MYO3B: variants seen among roughly 807,000 people sequenced by gnomAD.
MYO3B encodes the protein myosin IIIB.
A neutral mutation model predicts 174.6 loss-of-function variants in MYO3B; 156 were observed. The ratio of observed to expected loss-of-function variants is 0.89; its 90% CI spans 0.78 to 1.02. MYO3B has a LOEUF of 1.02. MYO3B is among the 50% of genes least tolerant of loss of function. The pLI, the probability that MYO3B is intolerant of heterozygous loss-of-function variation, is 0.00. For missense variants in MYO3B, 1,632 were observed against 1,639.4 expected (o/e 1.00, Z 0.08); for synonymous variants, 563 against 569.1 (o/e 0.99, Z 0.15).
intron 8 of MYO3B, chr2:170,350,335 C>CT (rs1453498294): frequency 6.6e-6 from 1 of 152,124 alleles, no homozygotes; most frequent in Non-Finnish European, 1.5e-5. Context: ...GCTGTGGATT[C>CT]TTTTTTGATT....
At chr2:170,231,587 C>A (rs2093016942) in intron 6 of MYO3B, among the ~76,000 whole-genome samples, 1 of 152,198 alleles carries the variant, frequency 6.6e-6, no homozygotes, top group Non-Finnish European at 1.5e-5. Flanking sequence ...AGGTAGGAAC[C>A]TGGACATGCT....
chr2:170,646,765 C>T (rs1698417277), intron 32 of MYO3B: 2 of 384,132 alleles, frequency 5.2e-6, no homozygotes, highest in South Asian at 2.5e-5. Context: ...TCTCTGGGGC[C>T]CCTCCCACAT....
At position 170,285,101 on chromosome 2, in the gene MYO3B, AT is replaced by A. The variant is rs1181092641; in HGVS notation, c.749+48967del. Among the ~76,000 whole-genome samples, 21 of 152,296 alleles carry A rather than the reference AT, an allele frequency of 1.4e-4. 1 individual carries two copies. The highest frequency in any genetic ancestry group is 4.3e-4 in the African/African-American group (18 of 41,582). On this transcript the variant is annotated intron_variant, in intron 7 of 34. Transcript: ENST00000408978. ...TATTGGACTATATCATACTTTATCT[AT>A]TAATAGCTATGTTCTTACTGATGGG...
intron 25 of MYO3B, among the ~76,000 whole-genome samples, chr2:170,481,541 A>G (rs1435064070): frequency 6.6e-6 from 1 of 152,150 alleles, no homozygotes; most frequent in Non-Finnish European, 1.5e-5. Flanking sequence ...GTGCCACTGC[A>G]CTCCAGCCTG....
chr2:170,385,263 C>T (rs1391038861), intron 12 of MYO3B, among the ~76,000 whole-genome samples: 1 of 152,172 alleles, frequency 6.6e-6, no homozygotes, highest in African/African-American at 2.4e-5. Context: ...ATCCCCTCTT[C>T]TTTCTAGAAG....
chr2:170,356,967 G>C (rs1189840783), intron 8 of MYO3B, among the ~76,000 whole-genome samples: 1 of 151,990 alleles, frequency 6.6e-6, no homozygotes, highest in Non-Finnish European at 1.5e-5. Flanking sequence ...ATTTTTGGTA[G>C]AGACAGGGTC....
At chr2:170,447,573 T>A (rs1559010479) in intron 23 of MYO3B, among the ~76,000 whole-genome samples, 1 of 152,252 alleles carries the variant, frequency 6.6e-6, no homozygotes, top group African/African-American at 2.4e-5. Flanking sequence ...CAAATCTTTT[T>A]ACTGATACCG....
In MYO3B at chr2:170,506,600, A is replaced by G. The variant is rs191041241; in HGVS notation, c.3370+4735A>G. ...CAACTCCAATACAGAGCACTCTAAA[A>G]TATGCTTTCCCTCAAAGGGATGCTG... On this transcript the variant is annotated intron_variant, in intron 28 of 34. Coordinates refer to ENST00000408978, the MANE Select transcript of MYO3B (RefSeq NM_138995.5). Among the ~76,000 whole-genome samples, 260 of 152,366 alleles carry G rather than the reference A, an allele frequency of 1.7e-3. 1 individual carries two copies. Among genetic ancestry groups the G allele is most frequent in the Admixed American group, 4.0e-3 (61 of 15,310 alleles).
chr2:170,296,036 A>T (rs2048991), intron 7 of MYO3B, among the ~76,000 whole-genome samples: 102,199 of 152,046 alleles, frequency 0.67, 34,505 homozygotes, highest in Admixed American at 0.73. Flanking sequence ...GGATAAAATA[A>T]TGCCTACTAA....
intron 2 of MYO3B, 108 bp from the exon 3 acceptor site, chr2:170,200,042 A>G (rs1339478885): frequency 2.9e-6 from 3 of 1,043,564 alleles, no homozygotes; most frequent in Non-Finnish European, 4.1e-6. Context: ...AATGAGATTG[A>G]AAATACATAG....
intron 7 of MYO3B, among the ~76,000 whole-genome samples, chr2:170,249,832 A>G (rs2093232031): frequency 6.6e-6 from 1 of 152,242 alleles, no homozygotes; most frequent in Non-Finnish European, 1.5e-5. Context: ...TTGAGTTTCA[A>G]TAAAGAGACC....
intron 32 of MYO3B, among the ~76,000 whole-genome samples, chr2:170,599,070 G>A (rs1008985489): frequency 5.9e-5 from 9 of 152,098 alleles, no homozygotes; most frequent in African/African-American, 2.2e-4. Flanking sequence ...TGTATGGCTT[G>A]AAAAATAGCT....
chr2:170,519,801 C>T (rs374919748), intron 30 of MYO3B: 6 of 308,676 alleles, frequency 1.9e-5, no homozygotes, highest in Admixed American at 4.7e-5. Flanking sequence ...GGCAAAACCC[C>T]GCCTCTACTA....
rs781556406 is a variant in MYO3B, at chr2:170,391,566, C to T, written c.1624C>T (p.His542Tyr). Residue 542 changes from histidine (H) to tyrosine (Y), a missense_variant, in exon 15 of 35, where the codon CAT becomes TAT. His to Tyr is a moderately conservative substitution (Grantham distance 83). Coordinates refer to ENST00000408978, the MANE Select transcript of MYO3B (RefSeq NM_138995.5). ...HIFYYIYAGL[H>Y]HQKKLSDFRL... Reference sequence around the variant, plus strand: ...ATTTTACTATATTTATGCTGGTCTTCATCACCAAAAGAAGCTTTCTGATTT... The same window carrying T: ...ATTTTACTATATTTATGCTGGTCTTTATCACCAAAAGAAGCTTTCTGATTT... 6.3e-7 allele frequency: 1 copy of T among 1,582,568 alleles called. No individual in the cohort carries two copies. The highest frequency in any genetic ancestry group is 1.2e-5 in the South Asian group (1 of 84,846).
chr2:170,511,061 GTT>G (rs1352683626), intron 28 of MYO3B, among the ~76,000 whole-genome samples: 7 of 132,034 alleles, frequency 5.3e-5, no homozygotes, highest in Admixed American at 7.6e-5. Flanking sequence ...TTTTCCTTTT[GTT>G]TTTTTTTTTT....
At chr2:170,631,007 AG>A (rs942038772) in intron 32 of MYO3B, among the ~76,000 whole-genome samples, 1 of 152,242 alleles carries the variant, frequency 6.6e-6, no homozygotes, top group African/African-American at 2.4e-5. Context: ...TCTCCTCCAA[AG>A]GAACGCAGCT....
At chr2:170,630,047 G>A (rs1236222077) in intron 32 of MYO3B, among the ~76,000 whole-genome samples, 1 of 152,220 alleles carries the variant, frequency 6.6e-6, no homozygotes, top group African/African-American at 2.4e-5. Context: ...TCATCTCATT[G>A]AGACTGGTCA....
At position 170,200,207 on chromosome 2, in the gene MYO3B, C is replaced by A. The variant is rs1473276131; in HGVS notation, c.244C>A (p.Pro82Thr). ...CATTTTGCAGTTCCTTCCTAATCAT[C>A]CCAATGTTGTAAAGTTTTATGGGAT... Reference protein sequence around the residue: ...YNILQFLPNHPNVVKFYGMFY... With the variant: ...YNILQFLPNHTNVVKFYGMFY... Residue 82 changes from proline to threonine, a missense_variant, in exon 3 of 35, where the codon CCC becomes ACC. Transcript: ENST00000408978. 5 of 1,613,488 alleles carry A rather than the reference C, an allele frequency of 3.1e-6. No individual in the cohort carries two copies. The highest frequency in any genetic ancestry group is 4.2e-6 in the Non-Finnish European group (5 of 1,179,634).
chr2:170,537,484 TG>T (rs1689797816), intron 30 of MYO3B, among the ~76,000 whole-genome samples: 1 of 112,426 alleles, frequency 8.9e-6, no homozygotes, highest in Non-Finnish European at 1.8e-5. Context: ...TTTTTTTTGG[TG>T]GGGAAGCTGG....
Sources: allele counts gnomAD v4.1 joint callset (sites outside exome capture counted in the v4.1 genomes callset), GRCh38; gene constraint gnomAD v4.1.1; transcripts MANE v1.5; gene names NCBI Gene and HGNC (gene_info 2026-07-23, HGNC 2026-07-21).